DAAM1: variants seen among roughly 807,000 people sequenced by gnomAD.
DAAM1 encodes the protein disheveled-associated activator of morphogenesis 1.
A neutral mutation model predicts 130.0 loss-of-function variants in DAAM1; 52 were observed. That is an observed-to-expected ratio of 0.40 (90% confidence interval 0.32 to 0.50). The LOEUF is 0.50. Ranked by LOEUF, DAAM1 falls within the 20% of genes least tolerant of loss-of-function variation. The pLI, the probability that DAAM1 is intolerant of heterozygous loss-of-function variation, is 0.61. For synonymous variants in DAAM1, 452 were observed against 444.5 expected, an observed-to-expected ratio of 1.02 and a Z score of -0.21; for missense variants, 1,134 against 1,303.8, an observed-to-expected ratio of 0.87 and a Z score of 2.01.
chr14:59,222,559 G>C (rs1215388321), intron 1 of DAAM1, among the ~76,000 whole-genome samples: 1 of 152,146 alleles, frequency 6.6e-6, no homozygotes, highest in African/African-American at 2.4e-5. Flanking sequence ...GTGTTGCTGA[G>C]CCCATGCCTA....
intron 2 of DAAM1, among the ~76,000 whole-genome samples, chr14:59,286,994 T>A (rs1408414707): frequency 6.6e-6 from 1 of 151,974 alleles, no homozygotes; most frequent in Non-Finnish European, 1.5e-5. Flanking sequence ...AGAGAAAAAT[T>A]CAGGCTAATA....
chr14:59,231,138 T>C (rs1889093052), intron 1 of DAAM1, among the ~76,000 whole-genome samples: 1 of 152,200 alleles, frequency 6.6e-6, no homozygotes, highest in South Asian at 2.1e-4. Context: ...TCCACTTCCT[T>C]TTTCTTCAAA....
chr14:59,261,348 G>A (rs1014815467), intron 1 of DAAM1, among the ~76,000 whole-genome samples: 3 of 152,210 alleles, frequency 2.0e-5, no homozygotes, highest in Non-Finnish European at 4.4e-5. Context: ...TCTAGTGAGT[G>A]ACCTGTTCAT....
chr14:59,320,722 A>G, intron 5 of DAAM1, 138 bp downstream of exon 5: 2 of 566,408 alleles, frequency 3.5e-6, no homozygotes, highest in Non-Finnish European at 5.7e-6. Context: ...AACATTTAAT[A>G]AAGTTATTTT....
chr14:59,257,851 C>T (rs933909963), intron 1 of DAAM1, among the ~76,000 whole-genome samples: 3 of 152,110 alleles, frequency 2.0e-5, no homozygotes, highest in African/African-American at 7.2e-5. Context: ...TCACACACAC[C>T]TCCTTTAACC....
chr14:59,323,983 GATC>G (rs1885114230), intron 6 of DAAM1, 142 bp from the exon 7 acceptor site: 16 of 430,690 alleles, frequency 3.7e-5, no homozygotes, highest in Non-Finnish European at 3.4e-5. Context: ...CGTGAGCTGA[GATC>G]ATGCCACCGC....
chr14:59,220,407 G>T (rs1402175696), intron 1 of DAAM1, among the ~76,000 whole-genome samples: 2 of 152,148 alleles, frequency 1.3e-5, no homozygotes, highest in African/African-American at 4.8e-5. Context: ...GGAGGTAGAA[G>T]TTAAATATTC....
chr14:59,351,887 T>C (rs1447957350), intron 17 of DAAM1, among the ~76,000 whole-genome samples: 2 of 152,150 alleles, frequency 1.3e-5, no homozygotes, highest in Non-Finnish European at 2.9e-5. Flanking sequence ...GTTTTAAATA[T>C]TTTACTATTT....
At chr14:59,261,318 C>T (rs1477640513) in intron 1 of DAAM1, among the ~76,000 whole-genome samples, 2 of 152,222 alleles carry the variant, frequency 1.3e-5, no homozygotes, top group African/African-American at 2.4e-5. Context: ...GAACTACTGT[C>T]TCTCACTAGA....
intron 3 of DAAM1, among the ~76,000 whole-genome samples, chr14:59,304,365 G>C (rs768637217): frequency 3.3e-5 from 5 of 152,192 alleles, no homozygotes; most frequent in Admixed American, 1.3e-4. Context: ...AGAGTAGAGA[G>C]AAGCTTTGAG....
Position 59,330,696 on chromosome 14 carries a change from C to T in DAAM1, c.1560+8C>T. The T allele has an allele frequency of 6.3e-7, 1 of 1,599,220 alleles. No homozygotes were observed. Among genetic ancestry groups the T allele is most frequent in the Admixed American group, 1.7e-5 (1 of 57,442 alleles). The stretch of plus-strand genomic sequence containing the variant: ...CTCCATGAGCTCAGCAGGGTGAGGT[C>T]TTCCGCTCAGCTCACGGGCAGCTGC... On this transcript the variant is annotated splice_region_variant and intron_variant, in intron 13 of 24. Coordinates refer to ENST00000360909, the MANE Select transcript of DAAM1 (RefSeq NM_001270520.2).
chr14:59,368,629 G>C (rs1483886060), intron 24 of DAAM1, 21 bp from the exon 25 acceptor site: 1 of 1,604,782 alleles, frequency 6.2e-7, no homozygotes, highest in Non-Finnish European at 8.5e-7. Flanking sequence ...TCTCAAAGAG[G>C]TTATTTCTTT....
intron 2 of DAAM1, chr14:59,264,589 CT>C (rs1244441317): frequency 6.6e-6 from 1 of 152,032 alleles, no homozygotes; most frequent in Non-Finnish European, 1.5e-5. Flanking sequence ...TACATGAATA[CT>C]GTATCCTGCT....
intron 1 of DAAM1, among the ~76,000 whole-genome samples, chr14:59,227,598 C>A (rs952796793): frequency 5.3e-5 from 8 of 152,130 alleles, no homozygotes; most frequent in Non-Finnish European, 1.0e-4. Context: ...TTGGATTCTC[C>A]CCATGTCTCA....
intron 2 of DAAM1, among the ~76,000 whole-genome samples, chr14:59,281,180 A>ACTTTCAT (rs1395021515): frequency 6.6e-6 from 1 of 152,114 alleles, no homozygotes; most frequent in Non-Finnish European, 1.5e-5. Context: ...TTGCCTCAGG[A>ACTTTCAT]CTTTCATCTA....
At chr14:59,331,169 T>C (rs1397020265) in intron 13 of DAAM1, 40 bp from the exon 14 acceptor site, 1 of 1,601,918 alleles carries the variant, frequency 6.2e-7, no homozygotes, top group Non-Finnish European at 8.5e-7. Context: ...TGAATTTACT[T>C]CTTCCATTGA....
At chr14:59,207,969 A>T (rs1361919717) in intron 1 of DAAM1, among the ~76,000 whole-genome samples, 1 of 152,196 alleles carries the variant, frequency 6.6e-6, no homozygotes, top group East Asian at 1.9e-4. Flanking sequence ...TTATAATATT[A>T]ATTTAGGTTC....
intron 3 of DAAM1, among the ~76,000 whole-genome samples, chr14:59,312,918 ACAGTAGTCAGTG>A (rs1237869428): frequency 4.6e-5 from 7 of 152,226 alleles, no homozygotes; most frequent in African/African-American, 1.7e-4. Flanking sequence ...AGAAGTTAAA[ACAGTAGTCAGTG>A]CAGGCTGAGA....
At chr14:59,357,226 A>AAAGG (rs1481203547) in intron 20 of DAAM1, 7 of 152,262 alleles carry the variant, frequency 4.6e-5, no homozygotes, top group African/African-American at 1.7e-4. Context: ...CAATTAATTG[A>AAAGG]AATGTCTGTC....
Sources: gnomAD v4.1 joint callset for allele counts (sites outside exome capture counted in the v4.1 genomes callset) on GRCh38, gnomAD v4.1.1 for gene constraint, MANE v1.5 for transcripts, NCBI Gene and HGNC (gene_info 2026-07-23, HGNC 2026-07-21) for gene names.